MMP1: variants seen among roughly 807,000 people sequenced by gnomAD.
MMP1 encodes the protein interstitial collagenase.
In MMP1, 51 loss-of-function variants were observed where a neutral mutation model predicts 49.6. The observed-to-expected ratio is 1.03, with a 90% CI of 0.82 to 1.30. The LOEUF (loss-of-function observed/expected upper bound fraction) is 1.30, where lower values mean the gene tolerates loss of function less well. MMP1 is among the 50% of genes most tolerant of loss of function. The pLI is 0.00. For synonymous variants in MMP1, 230 were observed against 196.8 expected (o/e 1.17, Z -1.41); for missense variants, 623 against 568.7 (o/e 1.10, Z -0.97).
At position 102,798,145 on chromosome 11, in the gene MMP1, C is replaced by T; in HGVS notation, c.-53G>A. On this transcript the variant is annotated 5_prime_UTR_variant, in exon 1 of 10. Transcript: ENST00000315274. Reference sequence around the variant, plus strand: ...AAGGTAAGTGATGGCTTCCCAGCCTCTTGCTGCTCCAATATCCCAGCTAGG... The same window carrying T: ...AAGGTAAGTGATGGCTTCCCAGCCTTTTGCTGCTCCAATATCCCAGCTAGG... 1 of 1,457,476 alleles carries T rather than the reference C, an allele frequency of 6.9e-7. No homozygotes were observed. Among genetic ancestry groups the T allele is most frequent in the Non-Finnish European group, 9.4e-7 (1 of 1,068,178 alleles). 90.3% of individuals were successfully genotyped at this position (1,457,476 alleles called of 1,614,324 possible).
At chr11:102,791,238 C>T (rs911463185) in intron 8 of MMP1, 95 bp downstream of exon 8, 7 of 1,370,258 alleles carry the variant, frequency 5.1e-6, no homozygotes, top group Non-Finnish European at 6.1e-6. Flanking sequence ...AGGATGCCGG[C>T]CAAGGCAGTT....
At position 102,797,049 on chromosome 11, in the gene MMP1, C is replaced by A; in HGVS notation, c.464G>T (p.Gly155Val). ...TPLTFTKVSE[G>V]QADIMISFVR... The stretch of plus-strand genomic sequence containing the variant: ...AAAAGATATCATGATGTCTGCTTGA[C>A]CCTCAGAGACCTTGGTGAATGTCAG... The change falls in exon 3 of 10, where the codon GGT becomes GTT. Residue 155 changes from glycine (G) to valine (V), a missense_variant. Gly to Val is a moderately radical substitution (Grantham distance 109, BLOSUM62 -3). Transcript: ENST00000315274. 6.2e-7 allele frequency: 1 copy of A among 1,614,046 alleles called. No individual in the cohort carries two copies.
Position 102,796,709 on chromosome 11 carries a change from C to T in MMP1, c.580G>A (p.Asp194Asn). 6.2e-7 allele frequency: 1 copy of T among 1,613,894 alleles called. No homozygotes were observed. Among genetic ancestry groups the T allele is most frequent in the South Asian group, 1.1e-5 (1 of 91,032 alleles). Residue 194 changes from aspartate (D) to asparagine (N), a missense_variant, in exon 4 of 10, where the codon GAT becomes AAT. Coordinates refer to ENST00000315274, the MANE Select transcript of MMP1 (RefSeq NM_002421.4). ...AFQPGPGIGG[D>N]AHFDEDERWT... ...CTTTCATCTTCATCAAAATGAGCAT[C>T]CCCTCCAATACCTGGGCCTGGTTGA... is the stretch of plus-strand genomic sequence containing the variant.
At position 102,797,243 on chromosome 11, in the gene MMP1, T is replaced by C; in HGVS notation, c.350+13A>G. The C allele has an allele frequency of 6.2e-7, 1 of 1,614,062 alleles. No individual in the cohort carries two copies. The highest frequency in any genetic ancestry group is 8.5e-7 in the Non-Finnish European group (1 of 1,179,940). On this transcript the variant is annotated intron_variant, in intron 2 of 9. Coordinates refer to ENST00000315274, the MANE Select transcript of MMP1 (RefSeq NM_002421.4). The stretch of plus-strand genomic sequence containing the variant: ...GGAAATAGCTCTCTCACTCTGGCCC[T>C]CAGTCTGCCTACCTGTAGGTCAGAT...
intron 6 of MMP1, among the ~76,000 whole-genome samples, chr11:102,793,688 C>G (rs915259549): frequency 1.3e-5 from 2 of 152,206 alleles, no homozygotes; most frequent in African/African-American, 4.8e-5. Flanking sequence ...GGCCACCCAG[C>G]TGGTAAGAGG....
intron 1 of MMP1, 109 bp downstream of exon 1, chr11:102,797,879 A>T: frequency 1.2e-6 from 1 of 853,354 alleles, no homozygotes. Context: ...TAGCAAAAAA[A>T]AAAAAAATCT....
At chr11:102,795,322 T>G in intron 5 of MMP1, 31 bp from the exon 6 acceptor site, 1 of 1,610,526 alleles carries the variant, frequency 6.2e-7, no homozygotes, top group African/African-American at 1.3e-5. Context: ...AGAGTTAGTT[T>G]TGCCTAGTAT....
chr11:102,792,818 G>A lies in MMP1; in HGVS notation c.900-80C>T, dbSNP rs556437863. On this transcript the variant is annotated intron_variant, in intron 6 of 9. Coordinates refer to ENST00000315274, the MANE Select transcript of MMP1 (RefSeq NM_002421.4). ...AGATATCCAGCTCCAGCTCCTTCTTGTTGCTGGCACTAGTGGTGTGCTGGT... is the reference window on the plus strand; with the variant it reads ...AGATATCCAGCTCCAGCTCCTTCTTATTGCTGGCACTAGTGGTGTGCTGGT... The A allele has an allele frequency of 7.4e-6, 10 of 1,352,252 alleles. No individual in the cohort carries two copies. In the African/African-American group the frequency reaches 1.3e-4, roughly 17 times the overall value. 83.8% of individuals were successfully genotyped at this position (1,352,252 alleles called of 1,614,324 possible). A position where few individuals can be genotyped will look rare whatever the true frequency, so the allele number is the denominator to read the frequency against.
In MMP1 at chr11:102,796,864, G is replaced by A. The variant is rs17883905; in HGVS notation, c.500-75C>T. The A allele has an allele frequency of 7.4e-5, 115 of 1,563,950 alleles. No homozygotes were observed. The African/African-American group carries it at 1.4e-3, about 19-fold the overall frequency. On this transcript the variant is annotated intron_variant, in intron 3 of 9. Coordinates refer to ENST00000315274, the MANE Select transcript of MMP1 (RefSeq NM_002421.4). ...AGCCAGAAGGGCAAGCATTAGCTTT[G>A]TTAAGAGGCCAACAGACTTCCATCA...
chr11:102,795,874 A>C (rs915045426), intron 4 of MMP1, among the ~76,000 whole-genome samples: 9 of 152,268 alleles, frequency 5.9e-5, no homozygotes, highest in Non-Finnish European at 1.0e-4. Context: ...CAGATTAATC[A>C]ATATTATCAA....
rs200225109 is a variant in MMP1 at position 102,797,519 on chromosome 11, C to T, written c.106-19G>A. ...GGTATTTCTGACAAAAGAAAATTAT[C>T]GAAACACTGCATGGGAAATCTTTCT... is the stretch of plus-strand genomic sequence containing the variant. On this transcript the variant is annotated intron_variant, in intron 1 of 9. Transcript: ENST00000315274. The T allele has an allele frequency of 1.8e-4, 286 of 1,612,634 alleles. No individual in the cohort carries two copies. Among genetic ancestry groups the T allele is most frequent in the Non-Finnish European group, 1.0e-4 (118 of 1,179,110 alleles).
chr11:102,797,872 CA>C lies in MMP1; in HGVS notation c.105+115del, dbSNP rs5794198. 0.58 allele frequency: 369,883 copies of C among 634,574 alleles called. 68,112 individuals carry two copies. The highest frequency in any genetic ancestry group is 0.79 in the African/African-American group (40,788 of 51,830). The allele number at this position is 634,574 out of a possible 1,614,324, so 39.3% of individuals were successfully genotyped here. ...TTTGGGTGGAGGGTGCTGTTTCTAG[CA>C]AAAAAAAAAAAAATCTCTTTATAAG... On this transcript the variant is annotated intron_variant, in intron 1 of 9. Transcript: ENST00000315274.
At chr11:102,793,011 G>T (rs190146278) in intron 6 of MMP1, 1 of 244,146 alleles carries the variant, frequency 4.1e-6, no homozygotes, top group African/African-American at 2.2e-5. Flanking sequence ...TAAATAAGTA[G>T]AAAAATGCAG....
rs780014602 is a variant in MMP1 at position 102,790,429 on chromosome 11, T to C, written c.1393A>G (p.Asn465Asp). 11 of 1,604,786 alleles carry C rather than the reference T, an allele frequency of 6.9e-6. No homozygotes were observed. In the African/African-American group the frequency reaches 1.5e-4, roughly 21 times the overall value. The change falls in exon 10 of 10, where the codon AAC becomes GAC. Residue 465 changes from asparagine to aspartate, a missense_variant. Transcript: ENST00000315274. The stretch of plus-strand genomic sequence containing the variant: ...AGTAATGTTCAATTTTTCCTGCAGT[T>C]GAACCAGCTATTAGCTTTCTGGAGA... Reference protein sequence around the residue: ...LTLQKANSWFNCRKN With the variant: ...LTLQKANSWFDCRKN
intron 6 of MMP1, 27 bp downstream of exon 6, chr11:102,795,147 G>A: frequency 2.7e-6 from 4 of 1,494,650 alleles, no homozygotes; most frequent in South Asian, 1.1e-5. Flanking sequence ...TACAAATGCA[G>A]ATCACAAAGA....
rs531860435 is a variant in MMP1, at chr11:102,790,903, T to C, written c.1197-97A>G. 3.4e-4 allele frequency: 247 copies of C among 732,162 alleles called. 6 individuals carry two copies. The South Asian group carries it at 4.0e-3, about 12-fold the overall frequency. The allele number at this position is 732,162 out of a possible 1,614,324, so 45.4% of individuals were successfully genotyped here. ...TACACAATGAGGAATTTAACCAGAATATTTCATTTTATAGATCATTTGTGA... is the reference window on the plus strand; with the variant it reads ...TACACAATGAGGAATTTAACCAGAACATTTCATTTTATAGATCATTTGTGA... On this transcript the variant is annotated intron_variant, in intron 8 of 9. Coordinates refer to ENST00000315274, the MANE Select transcript of MMP1 (RefSeq NM_002421.4).
intron 4 of MMP1, 121 bp from the exon 5 acceptor site, chr11:102,795,728 A>C (rs1333691744): frequency 2.4e-6 from 2 of 826,820 alleles, no homozygotes; most frequent in African/African-American, 3.5e-5. Flanking sequence ...TGACTTTTGA[A>C]ATATATGCAT....
At chr11:102,792,529 G>T in intron 7 of MMP1, 76 bp downstream of exon 7, 2 of 1,426,560 alleles carry the variant, frequency 1.4e-6, no homozygotes, top group Admixed American at 1.9e-5. Flanking sequence ...AATGTAGCTA[G>T]TAACCTTATA....
In MMP1 at chr11:102,797,872, CAAA is replaced by C. The variant is rs5794198; in HGVS notation, c.105+113_105+115del. Reference sequence around the variant, plus strand: ...TTTGGGTGGAGGGTGCTGTTTCTAGCAAAAAAAAAAAAAATCTCTTTATAAGAA... The same window carrying C: ...TTTGGGTGGAGGGTGCTGTTTCTAGCAAAAAAAAAAATCTCTTTATAAGAA... On this transcript the variant is annotated intron_variant, in intron 1 of 9. Transcript: ENST00000315274. 5,174 of 627,538 alleles carry C rather than the reference CAAA, an allele frequency of 8.2e-3. 1 individual carries two copies. The highest frequency in any genetic ancestry group is 0.013 in the Middle Eastern group (38 of 3,018). 38.9% of individuals were successfully genotyped at this position (627,538 alleles called of 1,614,324 possible). A position where few individuals can be genotyped will look rare whatever the true frequency, so the allele number is the denominator to read the frequency against.
Sources: allele counts gnomAD v4.1 joint callset (sites outside exome capture counted in the v4.1 genomes callset), GRCh38; gene constraint gnomAD v4.1.1; transcripts MANE v1.5; gene names NCBI Gene and HGNC (gene_info 2026-07-23, HGNC 2026-07-21).